Variants in STPG2 observed in about 807,000 individuals in gnomAD.
The protein encoded by STPG2 is sperm tail PG-rich repeat containing 2, also known as sperm-tail PG-rich repeat-containing protein 2.
A neutral mutation model predicts 54.2 loss-of-function variants in STPG2; 56 were observed. The observed-to-expected ratio is 1.03, with a 90% confidence interval of 0.83 to 1.29. The LOEUF (loss-of-function observed/expected upper bound fraction) is 1.29, where lower values mean the gene tolerates loss of function less well. STPG2 is among the 50% of genes most tolerant of loss of function. The probability of loss-of-function intolerance (pLI) is 0.00; values close to 1 mark genes in which losing one functional copy is unlikely to be tolerated. For missense variants in STPG2, 596 were observed against 544.9 expected (o/e 1.09, Z -0.93); for synonymous variants, 200 against 181.8 (o/e 1.10, Z -0.81).
intron 2 of STPG2, among the ~76,000 whole-genome samples, chr4:98,130,675 C>A (rs1739961007): frequency 6.6e-6 from 1 of 151,898 alleles, no homozygotes. Flanking sequence ...GTAATCCCAG[C>A]ACTTTGGGAG....
At chr4:98,056,799 T>C (rs1052785767) in intron 5 of STPG2, among the ~76,000 whole-genome samples, 2 of 152,062 alleles carry the variant, frequency 1.3e-5, no homozygotes, top group Admixed American at 6.6e-5. Flanking sequence ...AGTGTGTAGG[T>C]TCTCATAAGA....
At chr4:97,739,513 A>G (rs1308590747) in intron 9 of STPG2, among the ~76,000 whole-genome samples, 3 of 152,132 alleles carry the variant, frequency 2.0e-5, no homozygotes, top group Non-Finnish European at 4.4e-5. Flanking sequence ...TAGACGCAAT[A>G]AAAAACGATA....
At chr4:97,458,856 A>G (rs74387985) in intron 4 of STPG2, among the ~76,000 whole-genome samples, 2,181 of 152,276 alleles carry the variant, frequency 0.014, 41 homozygotes, top group African/African-American at 0.05. Context: ...GAAGTGTTCT[A>G]GATTAAAGGA....
chr4:97,575,988 A>G (rs557578131), intron 10 of STPG2, among the ~76,000 whole-genome samples: 8 of 152,144 alleles, frequency 5.3e-5, no homozygotes, highest in Non-Finnish European at 1.2e-4. Flanking sequence ...CTGAGAGTCA[A>G]ATAGAGAATG....
At chr4:98,036,888 T>C (rs1445776578) in intron 5 of STPG2, among the ~76,000 whole-genome samples, 1 of 152,056 alleles carries the variant, frequency 6.6e-6, no homozygotes, top group Non-Finnish European at 1.5e-5. Context: ...ACTAAAAATA[T>C]AGTTTTCTTA....
intron 5 of STPG2, among the ~76,000 whole-genome samples, chr4:98,016,601 G>A (rs1157128565): frequency 6.6e-6 from 1 of 151,922 alleles, no homozygotes; most frequent in Non-Finnish European, 1.5e-5. Flanking sequence ...CACAATTTCT[G>A]TTTGGTTTTA....
intron 3 of STPG2, among the ~76,000 whole-genome samples, chr4:98,114,768 T>TGC (rs1395651702): frequency 7.1e-6 from 1 of 140,224 alleles, no homozygotes; most frequent in East Asian, 2.3e-4. Context: ...TTTTTTTTTG[T>TGC]GTGTGTGTGT....
chr4:97,618,230 C>A (rs147316174), intron 10 of STPG2, among the ~76,000 whole-genome samples: 8 of 152,050 alleles, frequency 5.3e-5, no homozygotes, highest in Non-Finnish European at 7.4e-5. Flanking sequence ...TCTTAGAATG[C>A]GCCTTTTTGG....
intron 1 of STPG2, among the ~76,000 whole-genome samples, chr4:98,142,807 T>C (rs530202882): frequency 6.6e-6 from 1 of 152,256 alleles, no homozygotes; most frequent in East Asian, 1.9e-4. Context: ...TAGACAACTA[T>C]TGCGGAATCA....
At chr4:97,806,562 G>A (rs1682243726) in intron 9 of STPG2, among the ~76,000 whole-genome samples, 1 of 151,996 alleles carries the variant, frequency 6.6e-6, no homozygotes, top group African/African-American at 2.4e-5. Context: ...TAAAAAGTCA[G>A]TCTCCACAGA....
At chr4:97,865,359 C>T (rs1246416566) in intron 8 of STPG2, among the ~76,000 whole-genome samples, 2 of 152,110 alleles carry the variant, frequency 1.3e-5, no homozygotes, top group African/African-American at 2.4e-5. Context: ...TCATCACTGG[C>T]CATCAGAGAA....
intron 4 of STPG2, among the ~76,000 whole-genome samples, chr4:97,459,731 G>A (rs1188320564): frequency 6.6e-6 from 1 of 152,118 alleles, no homozygotes; most frequent in Non-Finnish European, 1.5e-5. Context: ...GTGAGCCACC[G>A]TGCCCGGCCA....
intron 10 of STPG2, among the ~76,000 whole-genome samples, chr4:97,581,486 G>C (rs1732862745): frequency 6.6e-6 from 1 of 152,086 alleles, no homozygotes; most frequent in African/African-American, 2.4e-5. Flanking sequence ...TGTAAGTTTA[G>C]ATTAATTTAT....
chr4:98,032,972 C>T (rs1297171638), intron 5 of STPG2, among the ~76,000 whole-genome samples: 1 of 152,058 alleles, frequency 6.6e-6, no homozygotes, highest in African/African-American at 2.4e-5. Flanking sequence ...GCACTAAATG[C>T]TCACAAGAGA....
At chr4:97,679,434 G>T (rs1207970038) in intron 10 of STPG2, among the ~76,000 whole-genome samples, 1 of 152,124 alleles carries the variant, frequency 6.6e-6, no homozygotes, top group East Asian at 1.9e-4. Flanking sequence ...CCTTTGAGAA[G>T]TGTCTGTTCA....
At chr4:98,028,510 T>C (rs928082286) in intron 5 of STPG2, among the ~76,000 whole-genome samples, 4 of 152,192 alleles carry the variant, frequency 2.6e-5, no homozygotes, top group Non-Finnish European at 5.9e-5. Context: ...TCTTCCTCAT[T>C]TTCTTCTGAT....
At chr4:98,043,786 A>G (rs553776548) in intron 5 of STPG2, among the ~76,000 whole-genome samples, 5 of 151,790 alleles carry the variant, frequency 3.3e-5, no homozygotes, top group Non-Finnish European at 7.4e-5. Flanking sequence ...TTTTACTTTT[A>G]GGTTTGGGAG....
At chr4:97,816,874 CTCTT>C (rs909940720) in intron 9 of STPG2, among the ~76,000 whole-genome samples, 1 of 149,634 alleles carries the variant, frequency 6.7e-6, no homozygotes, top group African/African-American at 2.5e-5. Context: ...TTCTCTTTCA[CTCTT>C]TCTTTTTCTT....
rs145455020 is a variant in STPG2, at chr4:97,450,159, A to G, written c.463-262326T>C. ...CATATAAGTCCGATTGCTTAGAAAAATAATAAAAAATAAAAAATCAACATT... is the reference window on the plus strand; with the variant it reads ...CATATAAGTCCGATTGCTTAGAAAAGTAATAAAAAATAAAAAATCAACATT... On this transcript the variant is annotated intron_variant, in intron 4 of 4. Transcript: ENST00000522676. Among the ~76,000 whole-genome samples, 40 of 152,296 alleles carry G rather than the reference A, an allele frequency of 2.6e-4. No homozygotes were observed. In the East Asian group the frequency reaches 7.5e-3, roughly 29 times the overall value.
Sources: allele counts gnomAD v4.1 joint callset (sites outside exome capture counted in the v4.1 genomes callset), GRCh38; gene constraint gnomAD v4.1.1; transcripts MANE v1.5; gene names NCBI Gene and HGNC (gene_info 2026-07-23, HGNC 2026-07-21).